The following PIK3CB variants were observed in gnomAD, a reference collection of about 807,000 sequenced individuals.
PIK3CB encodes phosphatidylinositol-4,5-bisphosphate 3-kinase catalytic subunit beta, also known as phosphatidylinositol 4,5-bisphosphate 3-kinase catalytic subunit beta isoform.
PIK3CB carries 39 observed loss-of-function variants against 136.8 expected under a neutral mutation model. That is an observed-to-expected ratio of 0.29 (90% CI 0.22 to 0.37). The LOEUF is 0.37. Among genes scored for constraint, PIK3CB ranks in the 10% least tolerant of loss-of-function variants. PIK3CB has a pLI of 1.00. For synonymous variants in PIK3CB, 428 were observed against 436.6 expected (o/e 0.98, Z 0.25); for missense variants, 868 against 1,275.4 (o/e 0.68, Z 4.87).
chr3:138,655,862 G>A (rs1335748302), intron 23 of PIK3CB, among the ~76,000 whole-genome samples: 1 of 152,162 alleles, frequency 6.6e-6, no homozygotes, highest in African/African-American at 2.4e-5. Flanking sequence ...GTGGCAACCC[G>A]CTCCTGATCT....
chr3:138,734,531 T>A, intron 7 of PIK3CB, 103 bp downstream of exon 7: 1 of 772,520 alleles, frequency 1.3e-6, no homozygotes. Flanking sequence ...GTATTGGTTT[T>A]CACAGAAGGA....
intron 19 of PIK3CB, among the ~76,000 whole-genome samples, chr3:138,670,699 G>A (rs1355469231): frequency 6.6e-6 from 1 of 152,100 alleles, no homozygotes; most frequent in East Asian, 1.9e-4. Context: ...TATCTATGCA[G>A]TATACCTTAT....
At chr3:138,784,620 G>T (rs1015259876) in intron 2 of PIK3CB, among the ~76,000 whole-genome samples, 1 of 152,190 alleles carries the variant, frequency 6.6e-6, no homozygotes, top group African/African-American at 2.4e-5. Flanking sequence ...TGGTGGAGAC[G>T]GGGTTTCGCC....
At chr3:138,682,499 A>G (rs1158101998) in intron 18 of PIK3CB, among the ~76,000 whole-genome samples, 1 of 152,180 alleles carries the variant, frequency 6.6e-6, no homozygotes, top group Non-Finnish European at 1.5e-5. Flanking sequence ...TACTGTTTGT[A>G]TTACACTGTA....
intron 19 of PIK3CB, among the ~76,000 whole-genome samples, chr3:138,675,852 T>TA (rs1403274594): frequency 6.6e-6 from 1 of 152,268 alleles, no homozygotes; most frequent in South Asian, 2.1e-4. Context: ...GAATTGAACT[T>TA]AGAGTTCAGG....
In PIK3CB at chr3:138,755,950, T is replaced by C. The variant is rs1231430464; in HGVS notation, c.201A>G (p.Pro67=). ...CAATATCCATAAGGAGGTTGAACAT[T>C]GGGTAATTGTGAACTTGCTTCCATA... ...QMLWKQVHNY[P]MFNLLMDIDS... The change falls in exon 4 of 24, where the codon CCA becomes CCG. Residue 67 remains proline, a synonymous_variant. Coordinates refer to ENST00000674063, the MANE Select transcript of PIK3CB (RefSeq NM_006219.3). 1 of 1,606,800 alleles carries C rather than the reference T, an allele frequency of 6.2e-7. No individual in the cohort carries two copies. The highest frequency in any genetic ancestry group is 1.7e-4 in the Middle Eastern group (1 of 6,040).
chr3:138,767,523 G>C (rs913029614), intron 2 of PIK3CB, among the ~76,000 whole-genome samples: 3 of 152,172 alleles, frequency 2.0e-5, no homozygotes, highest in African/African-American at 7.2e-5. Flanking sequence ...CCTTAGTTTT[G>C]ACAGGGCCCA....
intron 19 of PIK3CB, among the ~76,000 whole-genome samples, chr3:138,678,780 G>T (rs1245737955): frequency 2.0e-5 from 3 of 152,138 alleles, no homozygotes; most frequent in Non-Finnish European, 4.4e-5. Flanking sequence ...ATTTCTTAAT[G>T]ATAAAGGAGG....
chr3:138,657,364 C>G (rs977240653), intron 22 of PIK3CB: 3 of 222,126 alleles, frequency 1.4e-5, no homozygotes, highest in African/African-American at 7.1e-5. Context: ...TTACTGTACT[C>G]CATACACAAT....
chr3:138,721,083 C>T (rs1374495793), intron 8 of PIK3CB, among the ~76,000 whole-genome samples: 1 of 152,080 alleles, frequency 6.6e-6, no homozygotes, highest in Non-Finnish European at 1.5e-5. Flanking sequence ...TAACACTCCA[C>T]ATATCTTCAT....
intron 21 of PIK3CB, among the ~76,000 whole-genome samples, chr3:138,659,731 G>C (rs2043255850): frequency 6.6e-6 from 1 of 151,992 alleles, no homozygotes; most frequent in African/African-American, 2.4e-5. Flanking sequence ...ATTTCATAGT[G>C]CAGGTACTTA....
At chr3:138,675,434 GA>G (rs1443609902) in intron 19 of PIK3CB, among the ~76,000 whole-genome samples, 1 of 152,042 alleles carries the variant, frequency 6.6e-6, no homozygotes, top group Non-Finnish European at 1.5e-5. Context: ...CAAATTTTAT[GA>G]AAAACAATAA....
intron 21 of PIK3CB, among the ~76,000 whole-genome samples, chr3:138,658,363 T>C (rs1322931896): frequency 6.6e-6 from 1 of 152,026 alleles, no homozygotes; most frequent in South Asian, 2.1e-4. Context: ...GGTGGGGGAA[T>C]TGCTTGAGCC....
In PIK3CB at chr3:138,714,687, A is replaced by C; in HGVS notation, c.1083T>G (p.Thr361=). The change falls in exon 9 of 24, where the codon ACT becomes ACG. Residue 361 remains threonine (T), a synonymous_variant. Coordinates refer to ENST00000674063, the MANE Select transcript of PIK3CB (RefSeq NM_006219.3). ...TTACGATGGTTTTACACAGGAGCTC[A>C]GTACCATGAAAAAGACCAGCCCTGA... ...VHVRAGLFHG[T]ELLCKTIVSS... 6.2e-7 allele frequency: 1 copy of C among 1,611,150 alleles called. No individual in the cohort carries two copies. The highest frequency in any genetic ancestry group is 8.5e-7 in the Non-Finnish European group (1 of 1,178,848).
chr3:138,707,091 AAC>A, intron 11 of PIK3CB, 66 bp downstream of exon 11: 1 of 979,330 alleles, frequency 1.0e-6, no homozygotes, highest in Non-Finnish European at 1.6e-6. Context: ...ATAGAGCTTA[AAC>A]TATACATAGA....
chr3:138,825,953 G>C, intron 1 of PIK3CB: 1 of 1,559,770 alleles, frequency 6.4e-7, no homozygotes, highest in South Asian at 1.2e-5. Context: ...AATGGAAGCA[G>C]CTGGCTTCAC....
chr3:138,690,947 T>C, intron 15 of PIK3CB, 53 bp downstream of exon 15: 1 of 1,402,674 alleles, frequency 7.1e-7, no homozygotes, highest in African/African-American at 1.4e-5. Flanking sequence ...ATTATGCTTG[T>C]TTATAGTTAC....
chr3:138,698,810 T>C (rs1356241031), intron 13 of PIK3CB, 97 bp downstream of exon 13: 4 of 652,298 alleles, frequency 6.1e-6, no homozygotes, highest in African/African-American at 3.7e-5. Context: ...TAAATTATCC[T>C]ATCTATGAAA....
chr3:138,795,167 A>T (rs2046095255), intron 2 of PIK3CB, among the ~76,000 whole-genome samples: 1 of 151,538 alleles, frequency 6.6e-6, no homozygotes, highest in Non-Finnish European at 1.5e-5. Context: ...TAAAAATACA[A>T]AAATTAGCCG....
Sources: allele counts gnomAD v4.1 joint callset (sites outside exome capture counted in the v4.1 genomes callset), GRCh38; gene constraint gnomAD v4.1.1; transcripts MANE v1.5; gene names NCBI Gene and HGNC (gene_info 2026-07-23, HGNC 2026-07-21).